KANSL2: variants seen among roughly 807,000 people sequenced by gnomAD.
The protein encoded by KANSL2 is KAT8 regulatory NSL complex subunit 2.
In KANSL2, 34 loss-of-function variants were observed where a neutral mutation model predicts 55.6. The ratio of observed to expected loss-of-function variants is 0.61; its 90% CI spans 0.46 to 0.81. The LOEUF (loss-of-function observed/expected upper bound fraction) is 0.81, where lower values mean the gene tolerates loss of function less well. Ranked by LOEUF, KANSL2 falls within the 40% of genes least tolerant of loss-of-function variation. The pLI, the probability that KANSL2 is intolerant of heterozygous loss-of-function variation, is 0.00. For missense variants in KANSL2, 502 were observed against 609.9 expected (o/e 0.82, Z 1.86); for synonymous variants, 209 against 214.3 (o/e 0.98, Z 0.22).
rs575773512 is a variant in KANSL2 at position 48,678,881 on chromosome 12, G to A, written c.545+155C>T. Among the ~76,000 whole-genome samples, 153 of 152,232 alleles carry A rather than the reference G, an allele frequency of 1.0e-3. 2 individuals are homozygous for A. Among genetic ancestry groups the A allele is most frequent in the African/African-American group, 3.5e-3 (144 of 41,532 alleles). ...GAATCATCCTGCCTTGAAGCAAGAC[G>A]ACAATGAACCATGCCACTTTTATAT... is the stretch of plus-strand genomic sequence containing the variant. On this transcript the variant is annotated intron_variant, in intron 4 of 9. Coordinates refer to ENST00000420613, the MANE Select transcript of KANSL2 (RefSeq NM_017822.4).
Position 48,660,499 on chromosome 12 carries a change from T to C in KANSL2, c.1094A>G (p.Gln365Arg). ...GGGCTTATACATCTGAGGAGGCAAC[T>C]GGAAATGCAGTGGGCAGCAGGGATC... ...SEDPCCPLHF[Q>R]LPPQMYKPEQ... The change falls in exon 8 of 10, where the codon CAG (glutamine) becomes CGG (arginine). Residue 365 changes from glutamine (Q) to arginine (R), a missense_variant. Physicochemically the swap from Gln to Arg is conservative, Grantham distance 43 (BLOSUM62 1). Transcript: ENST00000420613. 3 of 1,613,784 alleles carry C rather than the reference T, an allele frequency of 1.9e-6. No individual in the cohort carries two copies. The highest frequency in any genetic ancestry group is 2.5e-6 in the Non-Finnish European group (3 of 1,179,804).
intron 5 of KANSL2, among the ~76,000 whole-genome samples, chr12:48,671,405 T>C (rs1197918647): frequency 3.3e-5 from 5 of 152,122 alleles, no homozygotes; most frequent in Admixed American, 2.0e-4. Flanking sequence ...TAGTAAATAA[T>C]AATGTGCTAG....
At chr12:48,656,322 G>A (rs1169253213) in intron 8 of KANSL2, among the ~76,000 whole-genome samples, 1 of 148,822 alleles carries the variant, frequency 6.7e-6, no homozygotes, top group Non-Finnish European at 1.5e-5. Context: ...CGCCCAGGCT[G>A]GAGTGCAGTG....
intron 7 of KANSL2, chr12:48,662,703 T>C (rs1309261748): frequency 2.4e-6 from 3 of 1,245,876 alleles, no homozygotes; most frequent in East Asian, 5.9e-5. Context: ...AACTATGGAG[T>C]GGAAAGGAAA....
intron 6 of KANSL2, among the ~76,000 whole-genome samples, chr12:48,668,260 G>T (rs1163675372): frequency 6.6e-6 from 1 of 152,154 alleles, no homozygotes; most frequent in African/African-American, 2.4e-5. Context: ...GGATTAACCT[G>T]TGCTTATTTC....
intron 8 of KANSL2, among the ~76,000 whole-genome samples, chr12:48,657,906 C>T (rs528611585): frequency 6.6e-6 from 1 of 152,248 alleles, no homozygotes; most frequent in South Asian, 2.1e-4. Context: ...CGTCAGCCAC[C>T]GCACCCGGCC....
At chr12:48,654,827 T>G in intron 9 of KANSL2, 114 bp downstream of exon 9, 1 of 1,054,876 alleles carries the variant, frequency 9.5e-7, no homozygotes, top group Non-Finnish European at 1.4e-6. Context: ...GGAGCATCTT[T>G]ATACTAGTGA....
intron 4 of KANSL2, among the ~76,000 whole-genome samples, chr12:48,675,646 C>T (rs1377511903): frequency 6.6e-6 from 1 of 152,174 alleles, no homozygotes; most frequent in Non-Finnish European, 1.5e-5. Context: ...CTGAAATGTA[C>T]CTATCTGAAG....
rs146601924 is a variant in KANSL2 at position 48,678,503 on chromosome 12, G to T, written c.545+533C>A. Among the ~76,000 whole-genome samples, 931 of 152,092 alleles carry T rather than the reference G, an allele frequency of 6.1e-3. 14 individuals carry two copies. The highest frequency in any genetic ancestry group is 0.021 in the African/African-American group (857 of 41,512). ...AAAAACACTAAATGCTTGAGCTGAT[G>T]AATATGCTAATTACCCTGATTTGAT... On this transcript the variant is annotated intron_variant, in intron 4 of 9. Coordinates refer to ENST00000420613, the MANE Select transcript of KANSL2 (RefSeq NM_017822.4).
At chr12:48,667,622 A>C (rs1009231374) in intron 7 of KANSL2, 71 bp downstream of exon 7, 10 of 1,226,084 alleles carry the variant, frequency 8.2e-6, no homozygotes, top group Non-Finnish European at 1.2e-5. Flanking sequence ...AATTAAGCAA[A>C]CTAGCACAGA....
intron 4 of KANSL2, among the ~76,000 whole-genome samples, chr12:48,678,018 A>G (rs1460187334): frequency 6.6e-6 from 1 of 152,136 alleles, no homozygotes; most frequent in African/African-American, 2.4e-5. Context: ...AACATGCCCA[A>G]CCTCCTCTGA....
intron 7 of KANSL2, among the ~76,000 whole-genome samples, chr12:48,666,143 G>T (rs929219562): frequency 1.3e-5 from 2 of 152,174 alleles, no homozygotes; most frequent in African/African-American, 2.4e-5. Flanking sequence ...AAGCCCAGCA[G>T]ATCACGGCAG....
chr12:48,682,206 C>G lies in KANSL2; in HGVS notation c.-29G>C. The G allele has an allele frequency of 1.5e-6, 1 of 659,362 alleles. No homozygotes were observed. Among genetic ancestry groups the G allele is most frequent in the Non-Finnish European group, 2.8e-6 (1 of 363,202 alleles). The allele number at this position is 659,362 out of a possible 1,614,324, so 40.8% of individuals were successfully genotyped here. The stretch of plus-strand genomic sequence containing the variant: ...TCTTACCTCAGGAGCTGCGCTGCGC[C>G]GCACTCTGCCGCGCCGCTCGCCCTT... On this transcript the variant is annotated 5_prime_UTR_variant, in exon 1 of 10. Transcript: ENST00000420613.
chr12:48,675,610 A>T (rs1172856604), intron 4 of KANSL2, among the ~76,000 whole-genome samples: 1 of 152,230 alleles, frequency 6.6e-6, no homozygotes, highest in Non-Finnish European at 1.5e-5. Flanking sequence ...ACCCTGTCAG[A>T]AGAGAATTTA....
intron 4 of KANSL2, among the ~76,000 whole-genome samples, chr12:48,676,144 T>C (rs935196738): frequency 2.6e-5 from 4 of 152,156 alleles, no homozygotes; most frequent in African/African-American, 9.7e-5. Flanking sequence ...AGGGTCTCCC[T>C]CTGTTGCCCA....
At chr12:48,655,668 A>G (rs1462531304) in intron 8 of KANSL2, among the ~76,000 whole-genome samples, 1 of 152,216 alleles carries the variant, frequency 6.6e-6, no homozygotes, top group Non-Finnish European at 1.5e-5. Context: ...TACTGTTTAA[A>G]AAGTACAAAG....
intron 8 of KANSL2, among the ~76,000 whole-genome samples, chr12:48,659,177 C>T (rs1939445064): frequency 6.6e-6 from 1 of 152,052 alleles, no homozygotes; most frequent in African/African-American, 2.4e-5. Flanking sequence ...ACCTGTAGTC[C>T]CAGCTACCCA....
intron 8 of KANSL2, chr12:48,658,821 G>A (rs1341351966): frequency 1.3e-5 from 2 of 152,194 alleles, no homozygotes; most frequent in Admixed American, 1.3e-4. Flanking sequence ...ACCAGCAATA[G>A]AGAATGAGAG....
chr12:48,663,713 T>C (rs993990431), intron 7 of KANSL2, among the ~76,000 whole-genome samples: 3 of 152,162 alleles, frequency 2.0e-5, no homozygotes, highest in Non-Finnish European at 2.9e-5. Context: ...TATAAACATA[T>C]AAAATATGTG....
Sources: gnomAD v4.1 joint callset for allele counts (sites outside exome capture counted in the v4.1 genomes callset) on GRCh38, gnomAD v4.1.1 for gene constraint, MANE v1.5 for transcripts, NCBI Gene and HGNC (gene_info 2026-07-23, HGNC 2026-07-21) for gene names.